Variants in DSCAM observed in about 807,000 individuals in gnomAD.
DSCAM encodes the protein DS cell adhesion molecule.
Under a neutral mutation model 217.7 loss-of-function variants are expected in DSCAM, and 47 were observed. The observed-to-expected ratio is 0.22, with a 90% confidence interval of 0.17 to 0.28. The LOEUF (loss-of-function observed/expected upper bound fraction) is 0.28. Ranked by LOEUF, DSCAM falls within the 10% of genes least tolerant of loss-of-function variation. The probability of loss-of-function intolerance (pLI) is 1.00; values close to 1 mark genes in which losing one functional copy is unlikely to be tolerated. For missense variants in DSCAM, 2,080 were observed against 2,618.3 expected, an observed-to-expected ratio of 0.79 and a Z score of 4.49; for synonymous variants, 1,056 against 1,015.3, an observed-to-expected ratio of 1.04 and a Z score of -0.76.
intron 3 of DSCAM, among the ~76,000 whole-genome samples, chr21:40,565,960 A>G (rs184754749): frequency 6.6e-6 from 1 of 152,310 alleles, no homozygotes; most frequent in African/African-American, 2.4e-5. Context: ...CACCCCAGCC[A>G]AGAGAAGCTT....
chr21:40,369,013 A>C (rs1035583155), intron 4 of DSCAM, 86 bp downstream of exon 4: 2 of 1,391,290 alleles, frequency 1.4e-6, no homozygotes, highest in Non-Finnish European at 1.9e-6. Context: ...TTTTAGTGGC[A>C]ACACTCCACA....
chr21:40,712,809 C>CAG (rs142528775), intron 1 of DSCAM, among the ~76,000 whole-genome samples: 6,335 of 148,950 alleles, frequency 0.043, 151 homozygotes, highest in African/African-American at 0.068. Flanking sequence ...GAAGTTGAGA[C>CAG]AGAGAGAGAG....
chr21:40,093,602 A>C, intron 21 of DSCAM, 119 bp downstream of exon 21: 2 of 1,245,950 alleles, frequency 1.6e-6, no homozygotes, highest in Non-Finnish European at 1.1e-6. Context: ...CTTGAGCTAA[A>C]ATGTGATATT....
At chr21:40,718,373 C>T (rs1409684843) in intron 1 of DSCAM, among the ~76,000 whole-genome samples, 1 of 152,106 alleles carries the variant, frequency 6.6e-6, no homozygotes, top group Admixed American at 6.5e-5. Flanking sequence ...AAAGACATAC[C>T]CAAGACTGGG....
At chr21:40,661,259 T>C (rs1263528872) in intron 3 of DSCAM, among the ~76,000 whole-genome samples, 3 of 152,220 alleles carry the variant, frequency 2.0e-5, no homozygotes, top group Admixed American at 6.5e-5. Context: ...AAGATGTGTA[T>C]AGAAAATGTG....
At chr21:40,179,698 T>G (rs573624961) in intron 14 of DSCAM, among the ~76,000 whole-genome samples, 29 of 152,252 alleles carry the variant, frequency 1.9e-4, no homozygotes, top group Non-Finnish European at 3.8e-4. Flanking sequence ...AATCATTTAG[T>G]GCCAAATCCT....
chr21:40,698,330 C>T (rs959858339), intron 2 of DSCAM, among the ~76,000 whole-genome samples: 1 of 152,030 alleles, frequency 6.6e-6, no homozygotes, highest in Non-Finnish European at 1.5e-5. Flanking sequence ...AGAATGTAGA[C>T]GAGGGGTCAG....
intron 6 of DSCAM, among the ~76,000 whole-genome samples, chr21:40,344,142 G>T (rs747352762): frequency 6.6e-6 from 1 of 152,070 alleles, no homozygotes; most frequent in Non-Finnish European, 1.5e-5. Flanking sequence ...CGAGTGAGCC[G>T]CCTGTCTCGG....
At position 40,617,408 on chromosome 21, in the gene DSCAM, G is replaced by T. The variant is rs998021511; in HGVS notation, c.508+75402C>A. Among the ~76,000 whole-genome samples the T allele has an allele frequency of 4.8e-4, 73 of 152,142 alleles. 4 individuals carry two copies. Among genetic ancestry groups the T allele is most frequent in the Non-Finnish European group, 1.0e-4 (7 of 68,028 alleles). ...CGAAGTGCTGGGATTACAGGCGTGA[G>T]CCACCGCGCCCGGCCCAGAATGAGT... On this transcript the variant is annotated intron_variant, in intron 3 of 32. Coordinates refer to ENST00000400454, the MANE Select transcript of DSCAM (RefSeq NM_001389.5).
intron 3 of DSCAM, among the ~76,000 whole-genome samples, chr21:40,637,019 C>T (rs1308478165): frequency 2.8e-5 from 4 of 144,168 alleles, no homozygotes; most frequent in East Asian, 2.0e-4. Flanking sequence ...AGAGAGGTAA[C>T]CCAGAAAATC....
At position 40,821,389 on chromosome 21, in the gene DSCAM, G is replaced by A. The variant is rs971277473; in HGVS notation, c.43+25230C>T. On this transcript the variant is annotated intron_variant, in intron 1 of 32. Coordinates refer to ENST00000400454, the MANE Select transcript of DSCAM (RefSeq NM_001389.5). ...CATGCATGCACACACACAGACACAC[G>A]CGCGCACACACACACACACACACAC... Among the ~76,000 whole-genome samples the A allele has an allele frequency of 2.2e-4, 33 of 148,018 alleles. 1 individual carries two copies. The highest frequency in any genetic ancestry group is 1.6e-3 in the Admixed American group (22 of 14,180).
rs1365618944 is a variant in DSCAM at position 40,095,605 on chromosome 21, G to T, written c.3697-1731C>A. On this transcript the variant is annotated intron_variant, in intron 20 of 32. Transcript: ENST00000400454. The stretch of plus-strand genomic sequence containing the variant: ...AGTTTCTTTTCAGGGTGATGAAAAT[G>T]TTCTAAAATTAGATAGTGGTAAGGG... Among the ~76,000 whole-genome samples, 4 of 152,140 alleles carry T rather than the reference G, an allele frequency of 2.6e-5. No homozygotes were observed. The East Asian group carries it at 7.7e-4, about 29-fold the overall frequency.
intron 27 of DSCAM, among the ~76,000 whole-genome samples, chr21:40,072,777 A>T (rs2089314981): frequency 6.6e-6 from 1 of 151,372 alleles, no homozygotes; most frequent in Non-Finnish European, 1.5e-5. Context: ...TCTTAGTAAT[A>T]CTCCCTCTTT....
chr21:40,423,838 T>TC (rs140606936), intron 3 of DSCAM, among the ~76,000 whole-genome samples: 10,854 of 152,222 alleles, frequency 0.071, 618 homozygotes, highest in African/African-American at 0.16. Flanking sequence ...TCATAGATGT[T>TC]CCTGCTATCA....
chr21:40,709,527 C>T (rs1601156216), intron 1 of DSCAM, among the ~76,000 whole-genome samples: 1 of 152,084 alleles, frequency 6.6e-6, no homozygotes, highest in East Asian at 1.9e-4. Flanking sequence ...GTGTGATGTT[C>T]CCCTCCCTGT....
chr21:40,542,339 C>T (rs1043396939), intron 3 of DSCAM, among the ~76,000 whole-genome samples: 8 of 152,316 alleles, frequency 5.3e-5, no homozygotes, highest in African/African-American at 1.9e-4. Context: ...TGCCCAGCAT[C>T]TACTCTCAAA....
At chr21:40,264,682 T>TA (rs1474680251) in intron 11 of DSCAM, among the ~76,000 whole-genome samples, 1 of 152,104 alleles carries the variant, frequency 6.6e-6, no homozygotes, top group Non-Finnish European at 1.5e-5. Flanking sequence ...CCATTCATCA[T>TA]AATACTGGCA....
At position 40,662,252 on chromosome 21, in the gene DSCAM, T is replaced by C. The variant is rs965020943; in HGVS notation, c.508+30558A>G. 3.1e-5 allele frequency among the ~76,000 whole-genome samples: 4 copies of C among 129,678 alleles called. No individual in the cohort carries two copies. The East Asian group carries it at 9.4e-4, about 31-fold the overall frequency. 85.1% of individuals were successfully genotyped at this position (129,678 alleles called of 152,430 possible). A position where few individuals can be genotyped will look rare whatever the true frequency, so the allele number is the denominator to read the frequency against. ...CTGTTAATATTGAAAGGTCTAATCCTGGCTATCTTTTACCTTCAGTTCTCT... is the reference window on the plus strand; with the variant it reads ...CTGTTAATATTGAAAGGTCTAATCCCGGCTATCTTTTACCTTCAGTTCTCT... On this transcript the variant is annotated intron_variant, in intron 3 of 32. Coordinates refer to ENST00000400454, the MANE Select transcript of DSCAM (RefSeq NM_001389.5).
At chr21:40,311,601 A>G (rs1476525078) in intron 9 of DSCAM, among the ~76,000 whole-genome samples, 4 of 152,246 alleles carry the variant, frequency 2.6e-5, no homozygotes. Flanking sequence ...ATAGATGGGC[A>G]AAGAAAACCA....
Sources: gnomAD v4.1 joint callset for allele counts (sites outside exome capture counted in the v4.1 genomes callset) on GRCh38, gnomAD v4.1.1 for gene constraint, MANE v1.5 for transcripts, NCBI Gene and HGNC (gene_info 2026-07-23, HGNC 2026-07-21) for gene names.